The following MIB1 variants were observed in gnomAD, a reference collection of about 807,000 sequenced individuals.
The protein encoded by MIB1 is MIB E3 ubiquitin protein ligase 1.
MIB1 carries 278 observed loss-of-function variants against 124.5 expected under a neutral mutation model. The ratio of observed to expected loss-of-function variants is 2.23; its 90% CI spans 2.02 to 2.47. The LOEUF (loss-of-function observed/expected upper bound fraction) is 2.47, where lower values mean the gene tolerates loss of function less well. Among genes scored for constraint, MIB1 ranks in the 30% most tolerant of loss-of-function variants. The pLI, the probability that MIB1 is intolerant of heterozygous loss-of-function variation, is 0.00. For missense variants in MIB1, 957 were observed against 1,254.4 expected (o/e 0.76, Z 3.58); for synonymous variants, 446 against 429.4 (o/e 1.04, Z -0.48).
At chr18:21,781,924 A>T (rs1250518936) in intron 6 of MIB1, among the ~76,000 whole-genome samples, 1 of 151,712 alleles carries the variant, frequency 6.6e-6, no homozygotes, top group South Asian at 2.1e-4. Flanking sequence ...CTACCTAAAG[A>T]TTTGTTGATT....
intron 12 of MIB1, among the ~76,000 whole-genome samples, chr18:21,823,448 CGTT>C (rs1290985633): frequency 6.6e-6 from 1 of 151,442 alleles, no homozygotes; most frequent in Admixed American, 6.6e-5. Flanking sequence ...AGATATAGCA[CGTT>C]GTTATTTCCA....
chr18:21,848,984 G>A (rs2042158673), intron 16 of MIB1, among the ~76,000 whole-genome samples: 1 of 152,072 alleles, frequency 6.6e-6, no homozygotes, highest in South Asian at 2.1e-4. Context: ...TGAGTGTTCA[G>A]TTTGAAGTTT....
At position 21,837,266 on chromosome 18, in the gene MIB1, T is replaced by C. The variant is rs576236656; in HGVS notation, c.1830-1099T>C. Among the ~76,000 whole-genome samples, 172 of 152,252 alleles carry C rather than the reference T, an allele frequency of 1.1e-3. 1 individual carries two copies. Among genetic ancestry groups the C allele is most frequent in the Non-Finnish European group, 9.6e-4 (65 of 67,986 alleles). The stretch of plus-strand genomic sequence containing the variant: ...GCTCACGCCTGTAATCCCAGCACTT[T>C]AGGAGGCCGAGGCGGGTGGATCACA... On this transcript the variant is annotated intron_variant, in intron 12 of 20. Transcript: ENST00000261537.
At chr18:21,821,158 ATTC>A (rs2041874379) in intron 12 of MIB1, among the ~76,000 whole-genome samples, 1 of 152,118 alleles carries the variant, frequency 6.6e-6, no homozygotes. Flanking sequence ...CTATTATACT[ATTC>A]TTCTAATTTT....
At chr18:21,834,108 G>C (rs2042006388) in intron 12 of MIB1, among the ~76,000 whole-genome samples, 1 of 152,162 alleles carries the variant, frequency 6.6e-6, no homozygotes, top group African/African-American at 2.4e-5. Context: ...GCAGGGAACA[G>C]CCTGCTGCTG....
intron 1 of MIB1, among the ~76,000 whole-genome samples, chr18:21,734,137 C>T (rs542472519): frequency 2.6e-4 from 37 of 143,676 alleles, no homozygotes; most frequent in African/African-American, 5.7e-4. Flanking sequence ...GACAGAGTCT[C>T]GCTCTTTCAC....
At chr18:21,746,917 C>A (rs1462232731) in intron 1 of MIB1, among the ~76,000 whole-genome samples, 4 of 151,868 alleles carry the variant, frequency 2.6e-5, no homozygotes, top group African/African-American at 7.3e-5. Flanking sequence ...AAGGGCTGAC[C>A]CTGGATTAAA....
intron 12 of MIB1, among the ~76,000 whole-genome samples, chr18:21,831,016 AG>A (rs1006071649): frequency 9.9e-5 from 15 of 151,916 alleles, no homozygotes; most frequent in Admixed American, 3.9e-4. Context: ...GTTGCTACAA[AG>A]GCCAAGAAAA....
intron 5 of MIB1, 50 bp from the exon 6 acceptor site, chr18:21,779,428 CTGT>C (rs2041331437): frequency 5.8e-6 from 8 of 1,386,224 alleles, no homozygotes; most frequent in Middle Eastern, 1.8e-4. Flanking sequence ...ATGCAGCTGC[CTGT>C]TGTTGTGAGG....
intron 1 of MIB1, among the ~76,000 whole-genome samples, chr18:21,720,592 G>T (rs1468605253): frequency 6.6e-6 from 1 of 151,400 alleles, no homozygotes; most frequent in Non-Finnish European, 1.5e-5. Flanking sequence ...ACAAACAGAA[G>T]AAAAAAATGG....
At chr18:21,772,700 G>C (rs1568194980) in intron 3 of MIB1, among the ~76,000 whole-genome samples, 2 of 152,084 alleles carry the variant, frequency 1.3e-5, no homozygotes, top group South Asian at 2.1e-4. Flanking sequence ...TTTTAATCCA[G>C]TGAATTCAAG....
chr18:21,807,707 C>G (rs893255392), intron 10 of MIB1, among the ~76,000 whole-genome samples: 1 of 152,134 alleles, frequency 6.6e-6, no homozygotes, highest in African/African-American at 2.4e-5. Flanking sequence ...ACAGCTCTCA[C>G]AACAGTGATC....
At chr18:21,758,224 A>C (rs1054179646) in intron 1 of MIB1, among the ~76,000 whole-genome samples, 3 of 152,184 alleles carry the variant, frequency 2.0e-5, no homozygotes, top group Non-Finnish European at 4.4e-5. Flanking sequence ...TATTTTCATT[A>C]ATTTAGTATT....
chr18:21,787,986 T>C (rs934601215), intron 6 of MIB1, among the ~76,000 whole-genome samples: 2 of 152,192 alleles, frequency 1.3e-5, no homozygotes, highest in Non-Finnish European at 2.9e-5. Flanking sequence ...CTACATCCTA[T>C]AAATACTGAG....
chr18:21,844,754 A>G (rs1474701382), intron 15 of MIB1, among the ~76,000 whole-genome samples: 1 of 152,060 alleles, frequency 6.6e-6, no homozygotes, highest in Non-Finnish European at 1.5e-5. Context: ...AACATCAGCC[A>G]TTCAAATAGA....
intron 7 of MIB1, among the ~76,000 whole-genome samples, chr18:21,791,794 G>A (rs1335118745): frequency 1.3e-5 from 2 of 152,266 alleles, no homozygotes; most frequent in East Asian, 3.9e-4. Flanking sequence ...GGTTATTGGA[G>A]AATGTTGTGT....
chr18:21,785,689 A>G (rs892760275), intron 6 of MIB1, among the ~76,000 whole-genome samples: 1 of 152,152 alleles, frequency 6.6e-6, no homozygotes, highest in African/African-American at 2.4e-5. Context: ...CTGTCTGTGT[A>G]ATTACTTTTA....
At chr18:21,800,323 CTTTTTA>C (rs2041637284) in intron 9 of MIB1, among the ~76,000 whole-genome samples, 2 of 151,504 alleles carry the variant, frequency 1.3e-5, no homozygotes, top group Non-Finnish European at 1.5e-5. Flanking sequence ...AAGCAATTTT[CTTTTTA>C]TTTTTAATTT....
At chr18:21,821,765 AT>A (rs1276479517) in intron 12 of MIB1, among the ~76,000 whole-genome samples, 3 of 151,222 alleles carry the variant, frequency 2.0e-5, no homozygotes, top group South Asian at 2.1e-4. Flanking sequence ...TGCCCGGCTA[AT>A]TTTTTTTGTA....
Sources: allele counts gnomAD v4.1 joint callset (sites outside exome capture counted in the v4.1 genomes callset), GRCh38; gene constraint gnomAD v4.1.1; transcripts MANE v1.5; gene names NCBI Gene and HGNC (gene_info 2026-07-23, HGNC 2026-07-21).